COL5A3: variants seen among roughly 807,000 people sequenced by gnomAD.
COL5A3 encodes collagen type V alpha 3 chain.
In COL5A3, 172 loss-of-function variants were observed where a neutral mutation model predicts 250.0. The observed-to-expected ratio is 0.69, with a 90% CI of 0.61 to 0.78. COL5A3 has a LOEUF of 0.78. COL5A3 is among the 30% of genes least tolerant of loss of function. COL5A3 has a pLI of 0.00. For synonymous variants in COL5A3, 937 were observed against 900.4 expected, an observed-to-expected ratio of 1.04 and a Z score of -0.73; for missense variants, 2,340 against 2,334.4, an observed-to-expected ratio of 1.00 and a Z score of -0.05.
At chr19:9,983,933 C>T (rs1242124236) in intron 31 of COL5A3, among the ~76,000 whole-genome samples, 1 of 151,304 alleles carries the variant, frequency 6.6e-6, no homozygotes, top group Non-Finnish European at 1.5e-5. Flanking sequence ...AAACCACTGT[C>T]AAATCCAACG....
At chr19:9,974,778 A>G (rs4410199) in intron 45 of COL5A3, among the ~76,000 whole-genome samples, 29,827 of 151,904 alleles carry the variant, frequency 0.2, 3,097 homozygotes, top group South Asian at 0.32. Flanking sequence ...GGTTAAGGAT[A>G]GGGCCGTATG....
At position 9,995,396 on chromosome 19, in the gene COL5A3, G is replaced by A. The variant is rs184937911; in HGVS notation, c.1587+168C>T. Among the ~76,000 whole-genome samples, 519 of 152,272 alleles carry A rather than the reference G, an allele frequency of 3.4e-3. 3 individuals carry two copies. Among genetic ancestry groups the A allele is most frequent in the South Asian group, 0.018 (87 of 4,820 alleles). On this transcript the variant is annotated intron_variant, in intron 16 of 66. Transcript: ENST00000264828. ...GCAGGCAAGTCCTTCCTGACTCTAC[G>A]GCCTGGCCGGATTCCTTTGACACAC... is the stretch of plus-strand genomic sequence containing the variant.
rs564107769 is a variant in COL5A3 at position 10,001,641 on chromosome 19, C to T, written c.993G>A (p.Glu331=). The T allele has an allele frequency of 1.2e-6, 2 of 1,613,946 alleles. No homozygotes were observed. Among genetic ancestry groups the T allele is most frequent in the Admixed American group, 1.7e-5 (1 of 59,994 alleles). Residue 331 remains glutamate, a synonymous_variant, in exon 8 of 67, where the codon GAG becomes GAA. Coordinates refer to ENST00000264828, the MANE Select transcript of COL5A3 (RefSeq NM_015719.4). The part of the protein sequence containing the change: ...ERSLDPDSGT[E]LGTLETKAAR... ...CTGCCTTGGTCTCCAGGGTCCCCAG[C>T]TCGGTTCCACTGTCAGGGTCCAAGC...
chr19:9,964,854 T>TAAAAAA lies in COL5A3; in HGVS notation c.4782+1454_4782+1459dup, dbSNP rs57037583. Among the ~76,000 whole-genome samples the TAAAAAA allele has an allele frequency of 1.2e-4, 6 of 49,010 alleles. 1 individual carries two copies. The highest frequency in any genetic ancestry group is 1.7e-4 in the Non-Finnish European group (5 of 29,260). The allele number at this position is 49,010 out of a possible 152,430, so 32.2% of individuals were successfully genotyped here. ...CAACGTAGTGAAACCCCATCTCTAC[T>TAAAAAA]AAAAAAAAAAAAAAAAAAAAAAAAA... On this transcript the variant is annotated intron_variant, in intron 64 of 66. Transcript: ENST00000264828.
chr19:9,988,011 GATC>G (rs1407563183), intron 27 of COL5A3, among the ~76,000 whole-genome samples: 1 of 152,094 alleles, frequency 6.6e-6, no homozygotes, highest in African/African-American at 2.4e-5. Flanking sequence ...GAGGCGGCCG[GATC>G]ACCTGAGGTC....
intron 31 of COL5A3, among the ~76,000 whole-genome samples, chr19:9,984,300 G>T (rs2087063074): frequency 6.6e-6 from 1 of 152,110 alleles, no homozygotes; most frequent in South Asian, 2.1e-4. Context: ...TGGGATTACA[G>T]CCATGAGCCA....
Position 10,005,544 on chromosome 19 carries a change from C to T in COL5A3, c.594+14G>A. The T allele has an allele frequency of 6.2e-7, 1 of 1,613,554 alleles. No individual in the cohort carries two copies. The highest frequency in any genetic ancestry group is 8.5e-7 in the Non-Finnish European group (1 of 1,179,458). On this transcript the variant is annotated intron_variant, in intron 4 of 66. Coordinates refer to ENST00000264828, the MANE Select transcript of COL5A3 (RefSeq NM_015719.4). ...CACCCTCTGCCTCAGTTTCCCCCAT[C>T]ACTGAACTCCTACCTCGAAAGTCTT...
rs886890167 is a variant in COL5A3 at position 10,010,459 on chromosome 19, T to C, written c.-74A>G. On this transcript the variant is annotated 5_prime_UTR_variant, in exon 1 of 67. Transcript: ENST00000264828. ...GGGCGCGGCGACTTCTCGGGCTCGG[T>C]GCAGTCACTCGCGGCGGCCGCTCCT... The C allele has an allele frequency of 3.0e-6, 3 of 1,014,912 alleles. No individual in the cohort carries two copies. In the African/African-American group the frequency reaches 5.1e-5, roughly 17 times the overall value. The allele number at this position is 1,014,912 out of a possible 1,614,324, so 62.9% of individuals were successfully genotyped here. A position where few individuals can be genotyped will look rare whatever the true frequency, so the allele number is the denominator to read the frequency against.
At chr19:9,990,815 AG>A (rs1357090978) in intron 24 of COL5A3, among the ~76,000 whole-genome samples, 1 of 152,126 alleles carries the variant, frequency 6.6e-6, no homozygotes, top group African/African-American at 2.4e-5. Context: ...CCCCCATCTC[AG>A]CCTCCCAAAG....
rs1332513498 is a variant in COL5A3 at position 9,968,811 on chromosome 19, G to C, written c.4153-83C>G. The C allele has an allele frequency of 1.7e-6, 2 of 1,197,012 alleles. No homozygotes were observed. Among genetic ancestry groups the C allele is most frequent in the African/African-American group, 3.0e-5 (2 of 65,898 alleles). 74.1% of individuals were successfully genotyped at this position (1,197,012 alleles called of 1,614,324 possible). A position where few individuals can be genotyped will look rare whatever the true frequency, so the allele number is the denominator to read the frequency against. On this transcript the variant is annotated intron_variant, in intron 57 of 66. Transcript: ENST00000264828. The surrounding 1 kb of genome is among the most constrained non-coding windows in gnomAD (Gnocchi z 4.1). Reference sequence around the variant, plus strand: ...GGGTGGTTAGGGGATGGTCAAATGGGAAATTATGCAGATTTCAAATGGGAA... The same window carrying C: ...GGGTGGTTAGGGGATGGTCAAATGGCAAATTATGCAGATTTCAAATGGGAA...
At chr19:9,993,172 G>C in intron 19 of COL5A3, 105 bp from the exon 20 acceptor site, 1 of 1,286,272 alleles carries the variant, frequency 7.8e-7, no homozygotes. Flanking sequence ...ATTAGACCAG[G>C]ATCCCTGGGA....
intron 54 of COL5A3, 42 bp downstream of exon 54, chr19:9,970,580 C>A (rs1381029471): frequency 7.6e-7 from 1 of 1,324,140 alleles, no homozygotes; most frequent in South Asian, 1.9e-5. Context: ...TGAGTGGGGG[C>A]TGTAGATAAG....
chr19:9,980,780 G>T (rs1349252872), intron 34 of COL5A3, 26 bp downstream of exon 34: 14 of 1,613,092 alleles, frequency 8.7e-6, no homozygotes, highest in Non-Finnish European at 1.2e-5. Flanking sequence ...GGCATGGGGG[G>T]CCTTGATTGC....
At chr19:9,979,963 C>A in intron 36 of COL5A3, 31 bp downstream of exon 36, 2 of 1,577,204 alleles carry the variant, frequency 1.3e-6, no homozygotes, top group Non-Finnish European at 1.7e-6. Flanking sequence ...CCTCCACCCA[C>A]CCAACCCCCA....
At chr19:9,993,207 T>C in intron 19 of COL5A3, 140 bp from the exon 20 acceptor site, 1 of 1,133,128 alleles carries the variant, frequency 8.8e-7, no homozygotes, top group Admixed American at 1.9e-5. Flanking sequence ...TTCATGGGAT[T>C]CCATTCAGGC....
In COL5A3 at chr19:9,969,613, C is replaced by T. The variant is rs1312999771; in HGVS notation, c.4060G>A (p.Val1354Met). The change falls in exon 56 of 67, where the codon GTG becomes ATG. Residue 1354 changes from valine (V) to methionine (M), a missense_variant. Transcript: ENST00000264828. ...PMGARGPPGR[V>M]GPEGLRGIPG... ...ATCCCTCGAAGACCCTCAGGCCCCA[C>T]ACGTCCAGGGGGCCCTCTAGCCCCC... is the stretch of plus-strand genomic sequence containing the variant. The T allele has an allele frequency of 1.2e-6, 2 of 1,605,366 alleles. No homozygotes were observed. Among genetic ancestry groups the T allele is most frequent in the Non-Finnish European group, 1.7e-6 (2 of 1,177,624 alleles).
intron 65 of COL5A3, among the ~76,000 whole-genome samples, chr19:9,961,804 C>T (rs1285395439): frequency 1.3e-5 from 2 of 152,074 alleles, no homozygotes; most frequent in Non-Finnish European, 2.9e-5. Flanking sequence ...GTGATCCGCC[C>T]ACCTTGGCCT....
intron 54 of COL5A3, 67 bp downstream of exon 54, chr19:9,970,537 TTGAGGGCTGTGGGATGAG>T (rs1199268386): frequency 7.6e-5 from 61 of 805,932 alleles, no homozygotes; most frequent in Middle Eastern, 7.8e-4. Context: ...GTGGGGTGAG[TTGAGGGCTGTGGGATGAG>T]TGAGGTCTGT....
intron 54 of COL5A3, among the ~76,000 whole-genome samples, 142 bp downstream of exon 54, chr19:9,970,468 GGGTCTGTGGGGT>G (rs2086827365): frequency 7.5e-6 from 1 of 133,680 alleles, no homozygotes; most frequent in Non-Finnish European, 1.6e-5. Context: ...TGGGTGTGTG[GGGTCTGTGGGGT>G]GAGTGGGGGC....
Sources: gnomAD v4.1 joint callset for allele counts (sites outside exome capture counted in the v4.1 genomes callset) on GRCh38, gnomAD v4.1.1 for gene constraint, Gnocchi (gnomAD v3.1) non-coding constraint, MANE v1.5 for transcripts, NCBI Gene and HGNC (gene_info 2026-07-23, HGNC 2026-07-21) for gene names.